The following GLT8D2 variants were observed in gnomAD, a reference collection of about 807,000 sequenced individuals.
GLT8D2 encodes the protein glycosyltransferase 8 domain containing 2.
A neutral mutation model predicts 44.5 loss-of-function variants in GLT8D2; 45 were observed. That is an observed-to-expected ratio of 1.01 (90% CI 0.80 to 1.30). GLT8D2 has a LOEUF of 1.30. Ranked by LOEUF, GLT8D2 falls within the 50% of genes most tolerant of loss-of-function variation. GLT8D2 has a pLI of 0.00. For missense variants in GLT8D2, 400 were observed against 430.4 expected, an observed-to-expected ratio of 0.93 and a Z score of 0.62; for synonymous variants, 156 against 157.2, an observed-to-expected ratio of 0.99 and a Z score of 0.06.
intron 4 of GLT8D2, among the ~76,000 whole-genome samples, chr12:104,007,535 T>C (rs964902581): frequency 6.6e-6 from 1 of 152,206 alleles, no homozygotes; most frequent in Non-Finnish European, 1.5e-5. Context: ...ATATATTTAC[T>C]GACATGAGAG....
intron 1 of GLT8D2, among the ~76,000 whole-genome samples, chr12:104,034,968 G>A (rs1879764921): frequency 1.3e-5 from 2 of 152,186 alleles, no homozygotes; most frequent in Non-Finnish European, 2.9e-5. Flanking sequence ...AGCAATATTT[G>A]CTGTTCTGCA....
intron 1 of GLT8D2, among the ~76,000 whole-genome samples, chr12:104,044,866 A>G (rs1246940147): frequency 6.6e-6 from 1 of 152,226 alleles, no homozygotes; most frequent in Non-Finnish European, 1.5e-5. Flanking sequence ...CTGAAGAATA[A>G]ATACTCATAT....
intron 6 of GLT8D2, 107 bp downstream of exon 6, chr12:103,999,290 A>G (rs1566191650): frequency 1.5e-6 from 1 of 659,192 alleles, no homozygotes; most frequent in Non-Finnish European, 2.7e-6. Context: ...TCAACTCCAC[A>G]TGGCTTCAAA....
intron 4 of GLT8D2, among the ~76,000 whole-genome samples, chr12:104,010,136 T>G (rs1875634312): frequency 6.6e-6 from 1 of 152,226 alleles, no homozygotes; most frequent in Admixed American, 6.5e-5. Flanking sequence ...AAAATGAGAA[T>G]TTGACGTTTC....
At chr12:104,031,648 T>C (rs1879274385) in intron 1 of GLT8D2, 2 of 1,074,686 alleles carry the variant, frequency 1.9e-6, no homozygotes, top group Admixed American at 4.7e-5. Flanking sequence ...TGTAGACATC[T>C]TGAGTTGTAG....
chr12:104,054,197 C>G (rs967524929), upstream of GLT8D2, among the ~76,000 whole-genome samples: 7 of 152,070 alleles, frequency 4.6e-5, no homozygotes, highest in African/African-American at 1.7e-4. Context: ...TAGCAACCAC[C>G]ATTCCACCTA....
chr12:104,057,109 T>C (rs1593579910), intron 1 of GLT8D2, among the ~76,000 whole-genome samples: 1 of 152,254 alleles, frequency 6.6e-6, no homozygotes, highest in South Asian at 2.1e-4. Context: ...AAAGGTAAAC[T>C]TATGAACACA....
intron 1 of GLT8D2, among the ~76,000 whole-genome samples, chr12:104,059,252 T>C (rs1467262886): frequency 1.3e-5 from 2 of 152,176 alleles, no homozygotes; most frequent in East Asian, 3.8e-4. Context: ...TAGGTATACA[T>C]GGACTTCAGG....
intron 1 of GLT8D2, among the ~76,000 whole-genome samples, chr12:104,062,984 G>A (rs1238125292): frequency 3.3e-5 from 5 of 152,060 alleles, no homozygotes; most frequent in African/African-American, 1.2e-4. Context: ...ACTGTGAACT[G>A]CCCATAGGAG....
At chr12:104,015,153 A>G (rs763489775) in intron 3 of GLT8D2, 48 bp from the exon 4 acceptor site, 2 of 1,439,472 alleles carry the variant, frequency 1.4e-6, no homozygotes, top group African/African-American at 1.4e-5. Flanking sequence ...TGAACCTGAA[A>G]TCACGTGACA....
chr12:103,989,876 A>G (rs1872503166), intron 10 of GLT8D2, among the ~76,000 whole-genome samples: 1 of 151,894 alleles, frequency 6.6e-6, no homozygotes, highest in African/African-American at 2.4e-5. Context: ...CTTTATGTGG[A>G]CATTGCCTTT....
intron 1 of GLT8D2, among the ~76,000 whole-genome samples, chr12:104,025,360 C>T (rs1398310574): frequency 6.6e-6 from 1 of 151,980 alleles, no homozygotes; most frequent in East Asian, 1.9e-4. Flanking sequence ...AGGTGCACAC[C>T]ACTGCACCTG....
At chr12:104,017,021 G>A (rs1876967846) in intron 3 of GLT8D2, among the ~76,000 whole-genome samples, 5 of 152,122 alleles carry the variant, frequency 3.3e-5, no homozygotes, top group Admixed American at 3.3e-4. Flanking sequence ...GAAGTAGAGT[G>A]GTGTAAAACA....
intron 1 of GLT8D2, among the ~76,000 whole-genome samples, chr12:104,055,350 G>T (rs1387090912): frequency 6.6e-6 from 1 of 152,170 alleles, no homozygotes; most frequent in Non-Finnish European, 1.5e-5. Flanking sequence ...TAGATCTGTA[G>T]AAGTAAATGG....
intron 1 of GLT8D2, among the ~76,000 whole-genome samples, chr12:104,042,695 C>A (rs1342578311): frequency 6.6e-6 from 1 of 152,108 alleles, no homozygotes; most frequent in Non-Finnish European, 1.5e-5. Context: ...TCTGGCTTCC[C>A]TGGACCACAC....
rs1470716898 is a variant in GLT8D2, at chr12:104,031,491, C to G, written c.-163-10000G>C. On this transcript the variant is annotated intron_variant, in intron 1 of 10. Transcript: ENST00000360814. ...ATGCAGTTTCTGGGGGATGAGGAGA[C>G]GGTGCGCAAAGCCATGGAAGCTGTG... The G allele has an allele frequency of 3.7e-6, 6 of 1,613,228 alleles. No individual in the cohort carries two copies. The East Asian group carries it at 1.1e-4, about 30-fold the overall frequency.
Position 103,989,473 on chromosome 12 carries a change from CGTT to C in GLT8D2, c.982_984del (p.Asn328del), listed in dbSNP as rs752437757. 2.5e-6 allele frequency: 4 copies of C among 1,613,654 alleles called. No individual in the cohort carries two copies. Among genetic ancestry groups the C allele is most frequent in the East Asian group, 2.2e-5 (1 of 44,842 alleles). On this transcript the variant is annotated inframe_deletion, in exon 11 of 11. Coordinates refer to ENST00000360814, the MANE Select transcript of GLT8D2 (RefSeq NM_001384711.1). Reference sequence around the variant, plus strand: ...GGAACAAACCAGCTTTCCCATAAGTCGTTGTGAACACTAGGGAAGTCCCAAGGT... The same window carrying C: ...GGAACAAACCAGCTTTCCCATAAGTCGTGAACACTAGGGAAGTCCCAAGGT...
chr12:104,046,337 G>A (rs969386553), intron 1 of GLT8D2, among the ~76,000 whole-genome samples: 51 of 152,182 alleles, frequency 3.4e-4, no homozygotes, highest in African/African-American at 1.2e-3. Flanking sequence ...ATTCATTCAC[G>A]GATTATCACA....
intron 10 of GLT8D2, among the ~76,000 whole-genome samples, chr12:103,989,829 A>T (rs1872494712): frequency 6.6e-6 from 1 of 152,064 alleles, no homozygotes; most frequent in Non-Finnish European, 1.5e-5. Context: ...AATAGAGCAT[A>T]CTGCTACCTT....
Sources: allele counts gnomAD v4.1 joint callset (sites outside exome capture counted in the v4.1 genomes callset), GRCh38; gene constraint gnomAD v4.1.1; transcripts MANE v1.5; gene names NCBI Gene and HGNC (gene_info 2026-07-23, HGNC 2026-07-21).